PTPN14: variants seen among roughly 807,000 people sequenced by gnomAD.
PTPN14 encodes the protein tyrosine-protein phosphatase non-receptor type 14.
In PTPN14, 53 loss-of-function variants were observed where a neutral mutation model predicts 126.8. The observed-to-expected ratio is 0.42, with a 90% CI of 0.34 to 0.53. The LOEUF is 0.53. Among genes scored for constraint, PTPN14 ranks in the 20% least tolerant of loss-of-function variants. The probability of loss-of-function intolerance (pLI) is 0.08; values close to 1 mark genes in which losing one functional copy is unlikely to be tolerated. For missense variants in PTPN14, 1,257 were observed against 1,552.9 expected, an observed-to-expected ratio of 0.81 and a Z score of 3.20; for synonymous variants, 630 against 599.3, an observed-to-expected ratio of 1.05 and a Z score of -0.75.
chr1:214,538,575 C>T (rs1655764253), intron 1 of PTPN14, among the ~76,000 whole-genome samples: 1 of 152,154 alleles, frequency 6.6e-6, no homozygotes, highest in Non-Finnish European at 1.5e-5. Flanking sequence ...AAAAGCTGTT[C>T]ATATTATTTA....
chr1:214,360,782 G>A (rs1047751296), intron 18 of PTPN14, among the ~76,000 whole-genome samples: 1 of 152,158 alleles, frequency 6.6e-6, no homozygotes, highest in Non-Finnish European at 1.5e-5. Flanking sequence ...CTTCTGTTAT[G>A]TGAGGATACT....
intron 3 of PTPN14, among the ~76,000 whole-genome samples, chr1:214,446,869 G>A (rs1400962192): frequency 6.6e-6 from 1 of 152,200 alleles, no homozygotes; most frequent in Non-Finnish European, 1.5e-5. Context: ...TTGCAAACAT[G>A]TGTTGGATGA....
rs759251877 is a variant in PTPN14 at position 214,393,735 on chromosome 1, T to C, written c.889A>G (p.Thr297Ala). The change falls in exon 10 of 19, where the codon ACA (threonine) becomes GCA (alanine). Residue 297 changes from threonine to alanine, a missense_variant. By Grantham distance (58) the Thr-to-Ala change is moderately conservative. This residue lies in a region of PTPN14 where 1,021 missense variants were observed against 1,183.3 expected (regional missense o/e 0.86). Transcript: ENST00000366956. ...NAKYISRLFATRHKFYKQNKI... is the reference protein window; with the variant it reads ...NAKYISRLFAARHKFYKQNKI... ...TTTTGTTTGTAAAACTTGTGTCGTG[T>C]GGCAAACAACCGAGAAATATACTTG... 8.1e-6 allele frequency: 13 copies of C among 1,605,128 alleles called. No individual in the cohort carries two copies. The South Asian group carries it at 1.3e-4, about 16-fold the overall frequency.
At chr1:214,466,541 A>G (rs1480082693) in intron 1 of PTPN14, among the ~76,000 whole-genome samples, 11 of 152,242 alleles carry the variant, frequency 7.2e-5, no homozygotes, top group Admixed American at 7.2e-4. Context: ...AGAATAAAAT[A>G]ACAACAAAAG....
At chr1:214,460,523 CAACA>C (rs1660486035) in intron 2 of PTPN14, among the ~76,000 whole-genome samples, 1 of 36,010 alleles carries the variant, frequency 2.8e-5, no homozygotes, top group African/African-American at 1.7e-4. Context: ...CTGAAAATTC[CAACA>C]CACACACACA....
At chr1:214,458,356 ATAAT>A (rs1660432199) in intron 2 of PTPN14, among the ~76,000 whole-genome samples, 1 of 152,076 alleles carries the variant, frequency 6.6e-6, no homozygotes, top group African/African-American at 2.4e-5. Flanking sequence ...CCAGTTTCTA[ATAAT>A]TAAAGTCATC....
Position 214,351,302 on chromosome 1 carries a change from A to AG in PTPN14, c.*6619_*6620insC, listed in dbSNP as rs1041736544. ...CGATCTCAAAAACTAAAAAAAAAAA[A>AG]AAAAAGAAAAAGAAAAAAAAAAAGG... On this transcript the variant is annotated 3_prime_UTR_variant, in exon 19 of 19. Transcript: ENST00000366956. 1 of 149,904 alleles carries AG rather than the reference A, an allele frequency of 6.7e-6. No individual in the cohort carries two copies. Among genetic ancestry groups the AG allele is most frequent in the African/African-American group, 2.5e-5 (1 of 39,482 alleles). 9.3% of individuals were successfully genotyped at this position (149,904 alleles called of 1,614,324 possible). A position where few individuals can be genotyped will look rare whatever the true frequency, so the allele number is the denominator to read the frequency against.
chr1:214,386,220 G>A (rs1453215015), intron 12 of PTPN14, among the ~76,000 whole-genome samples: 3 of 152,240 alleles, frequency 2.0e-5, no homozygotes, highest in Admixed American at 6.5e-5. Context: ...TATATAGCAA[G>A]TACTTACAGC....
chr1:214,448,505 A>G (rs1660199593), intron 3 of PTPN14, among the ~76,000 whole-genome samples: 1 of 151,806 alleles, frequency 6.6e-6, no homozygotes, highest in Non-Finnish European at 1.5e-5. Flanking sequence ...CGGTCTCCCA[A>G]AGTGCTGGGA....
intron 2 of PTPN14, among the ~76,000 whole-genome samples, chr1:214,457,778 T>A (rs1660415277): frequency 1.3e-5 from 2 of 152,206 alleles, no homozygotes; most frequent in Admixed American, 6.5e-5. Context: ...CAAACATACA[T>A]ATAATTAATG....
At chr1:214,423,697 C>G (rs775548147) in intron 3 of PTPN14, among the ~76,000 whole-genome samples, 2 of 152,148 alleles carry the variant, frequency 1.3e-5, no homozygotes, top group Non-Finnish European at 2.9e-5. Flanking sequence ...TATCTGAGTA[C>G]CTGCAGGGCG....
chr1:214,384,149 G>C lies in PTPN14; in HGVS notation c.1706C>G (p.Pro569Arg), dbSNP rs745887539. ...LKNYLFRPPP[P>R]YPRPRPATST... Reference sequence around the variant, plus strand: ...GGTGGCAGGTCGTGGCCGTGGGTAGGGGGGCGGTGGCCTGAAGAGATAGTT... The same window carrying C: ...GGTGGCAGGTCGTGGCCGTGGGTAGCGGGGCGGTGGCCTGAAGAGATAGTT... Residue 569 changes from proline (P) to arginine (R), a missense_variant, in exon 13 of 19, where the codon CCC becomes CGC. Pro to Arg is a moderately radical substitution (Grantham distance 103, BLOSUM62 -2). Coordinates refer to ENST00000366956, the MANE Select transcript of PTPN14 (RefSeq NM_005401.5). The surrounding 1 kb of genome is among the most constrained non-coding windows in gnomAD (Gnocchi z 5.3). 2 of 1,579,734 alleles carry C rather than the reference G, an allele frequency of 1.3e-6. No homozygotes were observed. Among genetic ancestry groups the C allele is most frequent in the Non-Finnish European group, 1.7e-6 (2 of 1,165,092 alleles).
chr1:214,415,558 T>G (rs1381113519), intron 3 of PTPN14, among the ~76,000 whole-genome samples: 1 of 152,228 alleles, frequency 6.6e-6, no homozygotes, highest in Non-Finnish European at 1.5e-5. Context: ...TCCTGGTAAC[T>G]GTAACTCTGT....
At chr1:214,506,862 G>A (rs1429102783) in intron 1 of PTPN14, among the ~76,000 whole-genome samples, 1 of 151,398 alleles carries the variant, frequency 6.6e-6, no homozygotes, top group Non-Finnish European at 1.5e-5. Flanking sequence ...GAATGTCTCG[G>A]TGGCATGTGC....
chr1:214,540,833 T>G (rs1481794643), intron 1 of PTPN14, among the ~76,000 whole-genome samples: 1 of 152,238 alleles, frequency 6.6e-6, no homozygotes, highest in African/African-American at 2.4e-5. Flanking sequence ...GAAATCCATG[T>G]GTAAATCCAT....
At chr1:214,458,984 T>A (rs1369348264) in intron 2 of PTPN14, among the ~76,000 whole-genome samples, 1 of 152,000 alleles carries the variant, frequency 6.6e-6, no homozygotes, top group Non-Finnish European at 1.5e-5. Context: ...GAATTGTCTT[T>A]GTTAATAGAG....
intron 2 of PTPN14, among the ~76,000 whole-genome samples, chr1:214,458,729 C>A (rs953140951): frequency 3.9e-5 from 6 of 152,102 alleles, no homozygotes; most frequent in Non-Finnish European, 7.4e-5. Context: ...TCATGTACTT[C>A]TTTTTTAAAC....
chr1:214,369,819 T>C (rs1658172182), intron 16 of PTPN14, 128 bp from the exon 17 acceptor site: 1 of 776,106 alleles, frequency 1.3e-6, no homozygotes, highest in Non-Finnish European at 2.2e-6. Context: ...CACTCTGCAG[T>C]GTCTACCACA....
intron 1 of PTPN14, among the ~76,000 whole-genome samples, chr1:214,512,203 G>A (rs1403506328): frequency 2.0e-5 from 3 of 151,944 alleles, no homozygotes; most frequent in African/African-American, 7.3e-5. Flanking sequence ...CCACCAGACT[G>A]CTGTACCCCA....
Sources: gnomAD v4.1 joint callset for allele counts (sites outside exome capture counted in the v4.1 genomes callset) on GRCh38, gnomAD v4.1.1 for gene constraint, gnomAD v4.1.1 regional missense constraint, Gnocchi (gnomAD v3.1) non-coding constraint, MANE v1.5 for transcripts, NCBI Gene and HGNC (gene_info 2026-07-23, HGNC 2026-07-21) for gene names.